Variants in TNNI3K observed in about 807,000 individuals in gnomAD.
TNNI3K encodes the protein serine/threonine-protein kinase TNNI3K.
In TNNI3K, 140 loss-of-function variants were observed where a neutral mutation model predicts 114.5. The ratio of observed to expected loss-of-function variants is 1.22; its 90% CI spans 1.07 to 1.41. TNNI3K has a LOEUF of 1.41. Among genes scored for constraint, TNNI3K ranks in the 40% most tolerant of loss-of-function variants. The probability of loss-of-function intolerance (pLI) is 0.00; values close to 1 mark genes in which losing one functional copy is unlikely to be tolerated. For synonymous variants in TNNI3K, 347 were observed against 347.5 expected (o/e 1.00, Z 0.02); for missense variants, 1,125 against 1,007.6 (o/e 1.12, Z -1.58).
intron 23 of TNNI3K, among the ~76,000 whole-genome samples, chr1:74,535,180 T>C (rs1646644657): frequency 6.6e-6 from 1 of 152,124 alleles, no homozygotes; most frequent in African/African-American, 2.4e-5. Context: ...GATTCATGAA[T>C]GCCTTATAAA....
At chr1:74,247,121 T>C (rs117069821) in intron 2 of TNNI3K, among the ~76,000 whole-genome samples, 1,647 of 152,182 alleles carry the variant, frequency 0.011, 26 homozygotes, top group East Asian at 0.031. Context: ...TCGCAGTGAG[T>C]GTTCAGTTCT....
intron 5 of TNNI3K, among the ~76,000 whole-genome samples, chr1:74,318,192 C>G (rs549050529): frequency 3.9e-5 from 6 of 152,188 alleles, no homozygotes; most frequent in African/African-American, 1.4e-4. Flanking sequence ...ATGCTTCATA[C>G]ATTTAACCCA....
intron 23 of TNNI3K, among the ~76,000 whole-genome samples, chr1:74,499,610 G>T (rs936411406): frequency 6.6e-6 from 1 of 151,998 alleles, no homozygotes. Context: ...TCCACTGGGG[G>T]TCTTGGAATA....
At chr1:74,296,718 G>A (rs1557481452) in intron 5 of TNNI3K, among the ~76,000 whole-genome samples, 1 of 152,108 alleles carries the variant, frequency 6.6e-6, no homozygotes, top group Non-Finnish European at 1.5e-5. Flanking sequence ...GGTTGGACAG[G>A]AGTTTGGTCT....
chr1:74,291,352 A>T (rs61776171), intron 5 of TNNI3K, among the ~76,000 whole-genome samples: 9,854 of 151,560 alleles, frequency 0.065, 365 homozygotes, highest in Middle Eastern at 0.099. Flanking sequence ...CTTCTTTGTG[A>T]GTGATCACTT....
At chr1:74,242,417 A>G (rs933449899) in intron 2 of TNNI3K, among the ~76,000 whole-genome samples, 1 of 152,124 alleles carries the variant, frequency 6.6e-6, no homozygotes, top group African/African-American at 2.4e-5. Context: ...GCATTCCACT[A>G]TACTCATCCT....
At chr1:74,371,666 T>C (rs971389487) in intron 17 of TNNI3K, 2 of 151,778 alleles carry the variant, frequency 1.3e-5, no homozygotes, top group East Asian at 3.9e-4. Flanking sequence ...ATGTGTATAA[T>C]GTAAGAAGTG....
intron 23 of TNNI3K, among the ~76,000 whole-genome samples, chr1:74,499,107 C>T (rs745432012): frequency 3.3e-5 from 5 of 152,268 alleles, no homozygotes; most frequent in Middle Eastern, 3.4e-3. Flanking sequence ...AATGCAGGTG[C>T]GTGCACACTG....
intron 9 of TNNI3K, among the ~76,000 whole-genome samples, chr1:74,346,843 G>T (rs1210217699): frequency 6.6e-6 from 1 of 151,604 alleles, no homozygotes; most frequent in Admixed American, 6.6e-5. Context: ...CTTGCAGATG[G>T]CTGCCTTCTT....
chr1:74,420,648 A>G (rs1038877109), intron 17 of TNNI3K, among the ~76,000 whole-genome samples: 1 of 152,088 alleles, frequency 6.6e-6, no homozygotes, highest in African/African-American at 2.4e-5. Flanking sequence ...CTGCATTCAA[A>G]CTGCAATGCT....
intron 4 of TNNI3K, among the ~76,000 whole-genome samples, chr1:74,270,739 T>C (rs1656291990): frequency 6.6e-6 from 1 of 151,786 alleles, no homozygotes; most frequent in Non-Finnish European, 1.5e-5. Flanking sequence ...GGTGTGTTGA[T>C]AGACCAAATA....
chr1:74,433,292 G>T (rs1450848079), intron 17 of TNNI3K, among the ~76,000 whole-genome samples: 1 of 151,970 alleles, frequency 6.6e-6, no homozygotes, highest in Non-Finnish European at 1.5e-5. Context: ...GATTTTAAAG[G>T]CTTTGACTCT....
chr1:74,264,209 A>G (rs573185425), intron 4 of TNNI3K, among the ~76,000 whole-genome samples: 2 of 151,688 alleles, frequency 1.3e-5, no homozygotes, highest in South Asian at 4.2e-4. Context: ...TATTTCCACC[A>G]CACTGAAACT....
At chr1:74,543,720 C>T (rs1646753819) in intron 24 of TNNI3K, among the ~76,000 whole-genome samples, 186 bp from the exon 25 acceptor site, 1 of 152,196 alleles carries the variant, frequency 6.6e-6, no homozygotes, top group Admixed American at 6.5e-5. Context: ...TTCATATTTG[C>T]CTGGTCTCAG....
chr1:74,418,891 G>A (rs1665262789), intron 17 of TNNI3K, among the ~76,000 whole-genome samples: 1 of 152,040 alleles, frequency 6.6e-6, no homozygotes, highest in African/African-American at 2.4e-5. Flanking sequence ...CTCCTACTTA[G>A]CAGGTGGGTA....
At chr1:74,420,325 C>A (rs1422590386) in intron 17 of TNNI3K, among the ~76,000 whole-genome samples, 2 of 151,962 alleles carry the variant, frequency 1.3e-5, no homozygotes, top group Admixed American at 6.6e-5. Context: ...TTCTATGCAC[C>A]TATTTGTTCA....
At chr1:74,362,698 A>C (rs1482619239) in intron 11 of TNNI3K, among the ~76,000 whole-genome samples, 5 of 152,268 alleles carry the variant, frequency 3.3e-5, no homozygotes, top group African/African-American at 9.6e-5. Flanking sequence ...GTCATCTTAA[A>C]CAAAACCTAG....
chr1:74,313,483 T>C (rs1659114217), intron 5 of TNNI3K, among the ~76,000 whole-genome samples: 3 of 152,174 alleles, frequency 2.0e-5, no homozygotes, highest in Admixed American at 1.3e-4. Context: ...GCTCCTCTTT[T>C]CCTGTCTTCA....
chr1:74,483,251 A>C (rs1013059215), intron 21 of TNNI3K: 1 of 716,786 alleles, frequency 1.4e-6, no homozygotes, highest in Non-Finnish European at 2.6e-6. Context: ...TAGAGTTATT[A>C]GTTTTATTAC....
Sources: allele counts gnomAD v4.1 joint callset (sites outside exome capture counted in the v4.1 genomes callset), GRCh38; gene constraint gnomAD v4.1.1; transcripts MANE v1.5; gene names NCBI Gene and HGNC (gene_info 2026-07-23, HGNC 2026-07-21).